TMEM200C: variants seen among roughly 807,000 people sequenced by gnomAD.
TMEM200C encodes transmembrane protein 200C.
For synonymous variants in TMEM200C, 462 were observed against 324.7 expected (o/e 1.42, Z -4.55); for missense variants, 966 against 699.9 (o/e 1.38, Z -4.29).
chr18:5,895,729 G>T (rs889693852), intron 1 of TMEM200C: 13 of 149,128 alleles, frequency 8.7e-5, no homozygotes, highest in African/African-American at 3.2e-4. Flanking sequence ...CAGCCGGCAC[G>T]GGGCGCTCGG....
chr18:5,893,558 G>A (rs2144458505), intron 2 of TMEM200C, among the ~76,000 whole-genome samples: 1 of 152,294 alleles, frequency 6.6e-6, no homozygotes, highest in Admixed American at 6.5e-5. Flanking sequence ...TGAACTGAAA[G>A]ACTTAGATAT....
chr18:5,890,423 G>C (rs1408444188), exon 3 of TMEM200C: 4 of 1,573,488 alleles, frequency 2.5e-6, no homozygotes, highest in South Asian at 1.2e-5. Context: ...AGACCGACTC[G>C]GTGGAGGTGC....
At chr18:5,889,997 A>T in exon 3 of TMEM200C, 1 of 393,222 alleles carries the variant, frequency 2.5e-6, no homozygotes, top group Non-Finnish European at 4.4e-6. Flanking sequence ...TAAAAAGACT[A>T]GTTTGCTTAA....
chr18:5,889,092 G>C (rs1441948318), exon 3 of TMEM200C: 1 of 152,204 alleles, frequency 6.6e-6, no homozygotes, highest in Non-Finnish European at 1.5e-5. Context: ...CATGGATCAA[G>C]ACCATTAACT....
exon 3 of TMEM200C, chr18:5,890,448 G>A (rs1195934097): frequency 1.9e-6 from 3 of 1,580,764 alleles, no homozygotes; most frequent in South Asian, 2.4e-5. Context: ...CTCCCGCAGG[G>A]GTGTGTAGCC....
chr18:5,885,001 A>C (rs1009404613), exon 3 of TMEM200C: 2 of 152,186 alleles, frequency 1.3e-5, no homozygotes, highest in Admixed American at 6.5e-5. Context: ...GAATTTCTTA[A>C]ATATTAAAAA....
At chr18:5,884,259 T>G (rs965327998) in exon 3 of TMEM200C, 3 of 152,136 alleles carry the variant, frequency 2.0e-5, no homozygotes, top group Non-Finnish European at 2.9e-5. Flanking sequence ...TCAATTACCT[T>G]ATGAACATCT....
chr18:5,886,442 G>A (rs999074906), exon 3 of TMEM200C: 6 of 152,142 alleles, frequency 3.9e-5, no homozygotes, highest in African/African-American at 1.4e-4. Context: ...TCTAGCTCTT[G>A]ATAGTTCTAT....
exon 3 of TMEM200C, chr18:5,888,705 C>G (rs186755317): frequency 6.6e-5 from 10 of 152,248 alleles, no homozygotes; most frequent in Admixed American, 2.0e-4. Flanking sequence ...TACAATAACC[C>G]CCATCTATTG....
At chr18:5,894,866 A>G (rs568557508) in intron 2 of TMEM200C, among the ~76,000 whole-genome samples, 164 bp downstream of exon 1, 1 of 152,338 alleles carries the variant, frequency 6.6e-6, no homozygotes, top group Non-Finnish European at 1.5e-5. Flanking sequence ...TTTTCTGGGC[A>G]GCGCATCCCG....
Position 5,891,197 on chromosome 18 carries a change from C to T in TMEM200C, c.867G>A (p.Ala289=). The change falls in exon 3 of 3, where the codon GCG becomes GCA. Residue 289 remains alanine (A), a synonymous_variant. Transcript: ENST00000581347. This position sits in a 1 kb window ranked among gnomAD's most constrained non-coding sequence, Gnocchi z 4.7. ...CCCGAGGGCGGCCGCCGCTCGGCGC[C>T]GCGGGGTGAGGAGGCCACGAGCCCT... The T allele has an allele frequency of 1.0e-6, 1 of 989,698 alleles. No individual in the cohort carries two copies. The highest frequency in any genetic ancestry group is 1.3e-6 in the Non-Finnish European group (1 of 760,204). 61.3% of individuals were successfully genotyped at this position (989,698 alleles called of 1,614,324 possible). A position where few individuals can be genotyped will look rare whatever the true frequency, so the allele number is the denominator to read the frequency against.
exon 3 of TMEM200C, chr18:5,889,180 G>A (rs189740723): frequency 2.4e-4 from 36 of 152,352 alleles, no homozygotes; most frequent in East Asian, 1.9e-4. Context: ...GCAGGTAAAT[G>A]AGAAGTATCA....
At chr18:5,884,799 C>T (rs901032567) in exon 3 of TMEM200C, 1 of 152,184 alleles carries the variant, frequency 6.6e-6, no homozygotes, top group East Asian at 1.9e-4. Context: ...CTAGTTATAT[C>T]AGTCATTAAT....
At chr18:5,893,110 G>A (rs1247468083) in intron 2 of TMEM200C, among the ~76,000 whole-genome samples, 1 of 152,006 alleles carries the variant, frequency 6.6e-6, no homozygotes, top group East Asian at 1.9e-4. Flanking sequence ...TCTCATATGG[G>A]AAAATTACAA....
chr18:5,890,137 A>G, exon 3 of TMEM200C: 1 of 1,459,756 alleles, frequency 6.9e-7, no homozygotes, highest in African/African-American at 1.4e-5. Flanking sequence ...CTGTTAATGC[A>G]CTGATTCAAG....
chr18:5,894,263 G>T (rs888617691), intron 2 of TMEM200C, among the ~76,000 whole-genome samples: 3 of 152,176 alleles, frequency 2.0e-5, no homozygotes, highest in Non-Finnish European at 2.9e-5. Context: ...GGTTGGAATG[G>T]ATTTCAACAG....
chr18:5,890,546 G>A (rs1420988998), exon 3 of TMEM200C: 4 of 1,456,138 alleles, frequency 2.7e-6, no homozygotes, highest in Admixed American at 2.4e-5. Context: ...GGGGTGGCGA[G>A]GGGGAGGCGG....
At position 5,890,704 on chromosome 18, in the gene TMEM200C, G is replaced by GC; in HGVS notation, c.1359dup (p.Gln454AlafsTer76). ...CCGGTCCTGGGCAGGCGGCCGCCCTGCCCCCTGGCGGCGCGCGCCGCTACC... is the reference window on the plus strand; with the variant it reads ...CCGGTCCTGGGCAGGCGGCCGCCCTGCCCCCCTGGCGGCGCGCGCCGCTACC... On this transcript the variant is annotated frameshift_variant, in exon 3 of 3. Coordinates refer to ENST00000581347, the Ensembl canonical transcript of TMEM200C. LOFTEE classifies it low-confidence loss of function (END_TRUNC). 1 of 513,934 alleles carries GC rather than the reference G, an allele frequency of 1.9e-6. No individual in the cohort carries two copies. Among genetic ancestry groups the GC allele is most frequent in the South Asian group, 3.5e-5 (1 of 28,332 alleles). 31.8% of individuals were successfully genotyped at this position (513,934 alleles called of 1,614,324 possible).
chr18:5,887,502 A>G (rs751900624), exon 3 of TMEM200C: 1 of 152,214 alleles, frequency 6.6e-6, no homozygotes, highest in African/African-American at 2.4e-5. Context: ...GCCCATTTCA[A>G]CTCAGCATCT....
Sources: gnomAD v4.1 joint callset for allele counts (sites outside exome capture counted in the v4.1 genomes callset) on GRCh38, gnomAD v4.1.1 for gene constraint, Gnocchi (gnomAD v3.1) non-coding constraint, MANE v1.5 for transcripts, NCBI Gene and HGNC (gene_info 2026-07-23, HGNC 2026-07-21) for gene names.